The following CARNS1 variants were observed in gnomAD, a reference collection of about 807,000 sequenced individuals.
CARNS1 encodes ATP-grasp domain containing 1.
CARNS1 carries 61 observed loss-of-function variants against 74.0 expected under a neutral mutation model. The observed-to-expected ratio is 0.82, with a 90% CI of 0.67 to 1.02. The LOEUF is 1.02. CARNS1 is among the 50% of genes least tolerant of loss of function. The probability of loss-of-function intolerance (pLI) is 0.00; values close to 1 mark genes in which losing one functional copy is unlikely to be tolerated. For synonymous variants in CARNS1, 568 were observed against 605.5 expected (o/e 0.94, Z 0.91); for missense variants, 1,278 against 1,308.4 (o/e 0.98, Z 0.36).
chr11:67,417,430 C>A lies in CARNS1; in HGVS notation c.27C>A (p.Pro9=). The change falls in exon 3 of 10, where the codon CCC becomes CCA. Residue 9 remains proline (P), a synonymous_variant. Coordinates refer to ENST00000687366, the MANE Select transcript of CARNS1 (RefSeq NM_001166222.2). ...AGCTCTCCCTGGATCCATCGGGTCCCGAGTGGGATTGCCCACTGGGCTCCA... is the reference window on the plus strand; with the variant it reads ...AGCTCTCCCTGGATCCATCGGGTCCAGAGTGGGATTGCCCACTGGGCTCCA... MLSLDPSG[P]EWDCPLGSKD... 7.1e-7 allele frequency: 1 copy of A among 1,401,134 alleles called. No individual in the cohort carries two copies. Among genetic ancestry groups the A allele is most frequent in the Non-Finnish European group, 9.3e-7 (1 of 1,077,980 alleles). 86.8% of individuals were successfully genotyped at this position (1,401,134 alleles called of 1,614,324 possible).
At chr11:67,418,578 G>T in intron 4 of CARNS1, 58 bp downstream of exon 4, 1 of 1,471,490 alleles carries the variant, frequency 6.8e-7, no homozygotes, top group Non-Finnish European at 9.0e-7. Flanking sequence ...CCCTGCCCTG[G>T]CCCAGCCACA....
chr11:67,417,032 G>A, intron 2 of CARNS1: 1 of 1,022,530 alleles, frequency 9.8e-7, no homozygotes, highest in Non-Finnish European at 1.2e-6. Flanking sequence ...CACTTACTGA[G>A]AAGTGGCTGT....
chr11:67,416,263 G>A (rs1863543096), intron 2 of CARNS1, 61 bp downstream of exon 2: 6 of 1,536,760 alleles, frequency 3.9e-6, no homozygotes, highest in Non-Finnish European at 5.2e-6. Context: ...AGTGGGCCCA[G>A]AGGACAGCAG....
At position 67,423,352 on chromosome 11, in the gene CARNS1, G is replaced by GC; in HGVS notation, c.1627-19dup. ...ACCCAGTACTAGCTGACCTGGATAT[G>GC]CCCCACCCTGTGGCTTCTGCAGCTG... On this transcript the variant is annotated intron_variant, in intron 9 of 9. Transcript: ENST00000687366. The surrounding 1 kb of genome is among the most constrained non-coding windows in gnomAD (Gnocchi z 5.1). The GC allele has an allele frequency of 6.3e-7, 1 of 1,583,748 alleles. No homozygotes were observed. The highest frequency in any genetic ancestry group is 8.6e-7 in the Non-Finnish European group (1 of 1,161,942).
rs890809110 is a variant in CARNS1, at chr11:67,421,149, T to A, written c.1556T>A (p.Leu519Gln). 2 of 1,492,430 alleles carry A rather than the reference T, an allele frequency of 1.3e-6. No homozygotes were observed. The highest frequency in any genetic ancestry group is 1.8e-6 in the Non-Finnish European group (2 of 1,127,462). The allele number at this position is 1,492,430 out of a possible 1,614,324, so 92.4% of individuals were successfully genotyped here. A position where few individuals can be genotyped will look rare whatever the true frequency, so the allele number is the denominator to read the frequency against. Residue 519 changes from leucine to glutamine, a missense_variant, in exon 9 of 10, where the codon CTG becomes CAG. This residue lies in a region of CARNS1 where 1,164 missense variants were observed against 1,156.5 expected (regional missense o/e 1.01). Coordinates refer to ENST00000687366, the MANE Select transcript of CARNS1 (RefSeq NM_001166222.2). The part of the protein sequence containing the change: ...SARCLMEGKQ[L>Q]LVVGAGGVSK... Reference sequence around the variant, plus strand: ...CGCTGCCTCATGGAGGGAAAACAGCTGCTGGTGGTCGGCGCTGGCGGCGTC... The same window carrying A: ...CGCTGCCTCATGGAGGGAAAACAGCAGCTGGTGGTCGGCGCTGGCGGCGTC...
chr11:67,422,175 T>G (rs912074840), intron 9 of CARNS1, among the ~76,000 whole-genome samples: 13 of 109,884 alleles, frequency 1.2e-4, no homozygotes. Flanking sequence ...CCCGGCCTTT[T>G]TTTTTTTTTT....
chr11:67,423,776 G>A lies in CARNS1; in HGVS notation c.2028G>A (p.Leu676=). 6.3e-7 allele frequency: 1 copy of A among 1,597,264 alleles called. No individual in the cohort carries two copies. The highest frequency in any genetic ancestry group is 8.5e-7 in the Non-Finnish European group (1 of 1,176,066). ...TACCCCTGCCAGGTGTCATGAAGCT[G>A]GAGTTCGGGGCAGGTGCAGTGGGTG... is the stretch of plus-strand genomic sequence containing the variant. ...HQVPLPGVMK[L]EFGAGAVGVR... The change falls in exon 10 of 10, where the codon CTG becomes CTA. Residue 676 remains leucine, a synonymous_variant. Coordinates refer to ENST00000687366, the MANE Select transcript of CARNS1 (RefSeq NM_001166222.2). The surrounding 1 kb of genome is among the most constrained non-coding windows in gnomAD (Gnocchi z 5.1).
Position 67,420,648 on chromosome 11 carries a change from CA to C in CARNS1, c.1154del (p.His385ProfsTer49). The C allele has an allele frequency of 8.0e-7, 1 of 1,247,862 alleles. No individual in the cohort carries two copies. The allele number at this position is 1,247,862 out of a possible 1,614,324, so 77.3% of individuals were successfully genotyped here. A position where few individuals can be genotyped will look rare whatever the true frequency, so the allele number is the denominator to read the frequency against. Reference sequence around the variant, plus strand: ...GGGCCGCGGGGACCGCCCTCTACGGCACCACAACTCCCTGCCGAGGACGCTG... The same window carrying C: ...GGGCCGCGGGGACCGCCCTCTACGGCCCACAACTCCCTGCCGAGGACGCTG... ...GVGRGDRPLR[H>X]HNSLPRTLEV... On this transcript the variant is annotated frameshift_variant, in exon 8 of 10. Coordinates refer to ENST00000687366, the MANE Select transcript of CARNS1 (RefSeq NM_001166222.2). LOFTEE classifies it high-confidence loss of function.
In CARNS1 at chr11:67,417,412, C is replaced by T; in HGVS notation, c.9C>T (p.Ser3=). The T allele has an allele frequency of 1.8e-5, 25 of 1,377,548 alleles. No individual in the cohort carries two copies. The highest frequency in any genetic ancestry group is 2.3e-5 in the Non-Finnish European group (24 of 1,066,296). 85.3% of individuals were successfully genotyped at this position (1,377,548 alleles called of 1,614,324 possible). ML[S]LDPSGPEWDC... ...TACCACTTCTGCCCTCTCAGCTCTC[C>T]CTGGATCCATCGGGTCCCGAGTGGG... Residue 3 remains serine, a synonymous_variant, in exon 3 of 10, where the codon TCC becomes TCT. Coordinates refer to ENST00000687366, the MANE Select transcript of CARNS1 (RefSeq NM_001166222.2).
chr11:67,419,851 C>G lies in CARNS1; in HGVS notation c.1113+13C>G, dbSNP rs1863650244. 1.3e-6 allele frequency: 2 copies of G among 1,564,318 alleles called. No individual in the cohort carries two copies. The highest frequency in any genetic ancestry group is 3.8e-5 in the Admixed American group (2 of 52,848). ...ACTGCTGAGCAAGGTGAGCGTGGCC[C>G]AGGCCCAGGCTGTGACCCTGCCTGC... On this transcript the variant is annotated intron_variant, in intron 7 of 9. Transcript: ENST00000687366.
At position 67,423,507 on chromosome 11, in the gene CARNS1, G is replaced by C; in HGVS notation, c.1759G>C (p.Gly587Arg). 1 of 1,613,912 alleles carries C rather than the reference G, an allele frequency of 6.2e-7. No homozygotes were observed. The highest frequency in any genetic ancestry group is 8.5e-7 in the Non-Finnish European group (1 of 1,179,856). Residue 587 changes from glycine (G) to arginine (R), a missense_variant, in exon 10 of 10, where the codon GGC becomes CGC. This residue lies in a region of CARNS1 where 1,164 missense variants were observed against 1,156.5 expected (regional missense o/e 1.01). Transcript: ENST00000687366. The surrounding 1 kb of genome is among the most constrained non-coding windows in gnomAD (Gnocchi z 5.1). Reference sequence around the variant, plus strand: ...GCTGGCAGAGTTGGTGCGGGCTCGCGGCCTCAAGCTAGATGGCTGCTTCTC... The same window carrying C: ...GCTGGCAGAGTTGGTGCGGGCTCGCCGCCTCAAGCTAGATGGCTGCTTCTC... The part of the protein sequence containing the change: ...RLLAELVRAR[G>R]LKLDGCFSYW...
Position 67,424,489 on chromosome 11 carries a change from G to A in CARNS1, c.2741G>A (p.Cys914Tyr). 1 of 1,587,662 alleles carries A rather than the reference G, an allele frequency of 6.3e-7. No homozygotes were observed. Among genetic ancestry groups the A allele is most frequent in the African/African-American group, 1.3e-5 (1 of 74,520 alleles). The change falls in exon 10 of 10, where the codon TGT becomes TAT. Residue 914 changes from cysteine to tyrosine, a missense_variant. By Grantham distance (194) the Cys-to-Tyr change is radical (BLOSUM62 -2). Around this residue, in one of 3 missense-constraint regions of CARNS1, gnomAD observed 1,164 missense variants for 1,156.5 expected, o/e 1.01. Transcript: ENST00000687366. The stretch of plus-strand genomic sequence containing the variant: ...GAGGAGCCCTACTGCAGTGTGGCCT[G>A]TGCCGGACCCAGCCCCACCGAGGCC... ...EYEEPYCSVA[C>Y]AGPSPTEARL...
Position 67,419,639 on chromosome 11 carries a change from ACC to A in CARNS1, c.1006_1007del (p.Pro336CysfsTer29). 6.3e-7 allele frequency: 1 copy of A among 1,598,068 alleles called. No homozygotes were observed. Among genetic ancestry groups the A allele is most frequent in the South Asian group, 1.1e-5 (1 of 88,538 alleles). On this transcript the variant is annotated frameshift_variant, in exon 6 of 10. Transcript: ENST00000687366. LOFTEE classifies it high-confidence loss of function. ...GTGTCCTGGTGGAGGCTGTGTACCC[ACC>A]TGCCCAGCTGCCCTGCTCAGGTGAG... ...ESVLVEAVYP[P>X]AQLPCSDGPS...
intron 9 of CARNS1, 52 bp downstream of exon 9, chr11:67,421,271 G>A (rs1590961092): frequency 1.4e-6 from 2 of 1,394,704 alleles, no homozygotes; most frequent in Non-Finnish European, 1.8e-6. Context: ...CCGAGTGGTG[G>A]AGGCGGGACC....
intron 2 of CARNS1, chr11:67,416,453 T>A: frequency 1.5e-6 from 2 of 1,341,628 alleles, no homozygotes; most frequent in South Asian, 3.3e-5. Context: ...GCACAGAGGC[T>A]CTGGCCCTGG....
At position 67,424,554 on chromosome 11, in the gene CARNS1, G is replaced by A. The variant is rs756866657; in HGVS notation, c.2806G>A (p.Asp936Asn). Reference sequence around the variant, plus strand: ...GGGCCTCTGCCAGGGCCTGGGCATCGATGGGCCCAGCTACCCTGTTGCCCA... The same window carrying A: ...GGGCCTCTGCCAGGGCCTGGGCATCAATGGGCCCAGCTACCCTGTTGCCCA... ...LLGLCQGLGIDGPSYPVAHFL... is the reference protein window; with the variant it reads ...LLGLCQGLGINGPSYPVAHFL... Residue 936 changes from aspartate to asparagine, a missense_variant, in exon 10 of 10, where the codon GAT (aspartate) becomes AAT (asparagine). Physicochemically the swap from Asp to Asn is conservative, Grantham distance 23. Coordinates refer to ENST00000687366, the MANE Select transcript of CARNS1 (RefSeq NM_001166222.2). 5 of 1,605,820 alleles carry A rather than the reference G, an allele frequency of 3.1e-6. No homozygotes were observed. The highest frequency in any genetic ancestry group is 4.2e-6 in the Non-Finnish European group (5 of 1,177,786).
chr11:67,417,151 G>C, intron 2 of CARNS1: 3 of 1,207,870 alleles, frequency 2.5e-6, no homozygotes, highest in Non-Finnish European at 3.1e-6. Flanking sequence ...AGGGGCGGGA[G>C]GGGCTGGCTG....
chr11:67,416,106 C>A (rs1016306561), intron 1 of CARNS1, 70 bp from the exon 2 acceptor site: 2 of 950,444 alleles, frequency 2.1e-6, no homozygotes, highest in African/African-American at 1.6e-5. Context: ...AGTCTAGGGG[C>A]TGGAAGGCCA....
At chr11:67,420,874 C>G in intron 8 of CARNS1, 34 bp downstream of exon 8, 1 of 1,290,166 alleles carries the variant, frequency 7.8e-7, no homozygotes, top group Middle Eastern at 3.0e-4. Context: ...GGGCCGGGAG[C>G]CGAGGGCCAG....
Sources: allele counts gnomAD v4.1 joint callset (sites outside exome capture counted in the v4.1 genomes callset), GRCh38; gene constraint gnomAD v4.1.1; regional missense constraint gnomAD v4.1.1; non-coding constraint Gnocchi (gnomAD v3.1); transcripts MANE v1.5; gene names NCBI Gene and HGNC (gene_info 2026-07-23, HGNC 2026-07-21).